Variants in NTRK1 observed in about 807,000 individuals in gnomAD.
The protein encoded by NTRK1 is neurotrophic receptor tyrosine kinase 1.
A neutral mutation model predicts 86.8 loss-of-function variants in NTRK1; 62 were observed. That is an observed-to-expected ratio of 0.71 (90% CI 0.58 to 0.88). The LOEUF (loss-of-function observed/expected upper bound fraction) is 0.88, where lower values mean the gene tolerates loss of function less well. NTRK1 is among the 40% of genes least tolerant of loss of function. The pLI, the probability that NTRK1 is intolerant of heterozygous loss-of-function variation, is 0.00. For missense variants in NTRK1, 967 were observed against 1,078.4 expected, an observed-to-expected ratio of 0.90 and a Z score of 1.45; for synonymous variants, 469 against 456.6, an observed-to-expected ratio of 1.03 and a Z score of -0.35.
intron 1 of NTRK1, among the ~76,000 whole-genome samples, chr1:156,827,732 AG>A (rs1478211758): frequency 1.3e-5 from 2 of 152,170 alleles, no homozygotes; most frequent in African/African-American, 4.8e-5. Flanking sequence ...TTGAAAAATT[AG>A]GTAACAAAAG....
At chr1:156,876,911 C>T (rs552174595) in intron 14 of NTRK1, among the ~76,000 whole-genome samples, 3 of 152,316 alleles carry the variant, frequency 2.0e-5, no homozygotes, top group African/African-American at 7.2e-5. Flanking sequence ...GTTTAGATAA[C>T]GACAGTAACA....
rs1553261428 is a variant in NTRK1 at position 156,868,534 on chromosome 1, A to G, written c.604A>G (p.Asn202Asp). 1 of 1,559,090 alleles carries G rather than the reference A, an allele frequency of 6.4e-7. No individual in the cohort carries two copies. The highest frequency in any genetic ancestry group is 2.4e-5 in the East Asian group (1 of 41,584). ...GCCCACGCTGAAGGTCCAGGTGCCC[A>G]ATGCCTCGGTGGATGTGGGGGACGA... ...GVPTLKVQVP[N>D]ASVDVGDDVL... The change falls in exon 6 of 17, where the codon AAT becomes GAT. Residue 202 changes from asparagine (N) to aspartate (D), a missense_variant. Physicochemically the swap from Asn to Asp is conservative, Grantham distance 23. This residue lies in a region of NTRK1 where 330 missense variants were observed against 302.0 expected (regional missense o/e 1.09). Transcript: ENST00000524377.
intron 1 of NTRK1, among the ~76,000 whole-genome samples, chr1:156,817,624 T>C (rs1654044821): frequency 1.3e-5 from 2 of 150,152 alleles, no homozygotes; most frequent in South Asian, 4.2e-4. Context: ...TTGTCATTAA[T>C]AACATCAGTG....
intron 2 of NTRK1, chr1:156,849,059 G>T: frequency 6.2e-7 from 1 of 1,610,986 alleles, no homozygotes. Flanking sequence ...TGGGTGGGGC[G>T]AGGGGCCTGC....
intron 7 of NTRK1, 148 bp from the exon 8 acceptor site, chr1:156,873,485 G>C: frequency 3.0e-6 from 2 of 661,612 alleles, no homozygotes; most frequent in Non-Finnish European, 2.7e-6. Flanking sequence ...TCTCCTTGGT[G>C]AATTTCCCAG....
chr1:156,874,069 G>A (rs1394082348), intron 8 of NTRK1, 110 bp downstream of exon 8: 2 of 1,213,160 alleles, frequency 1.6e-6, no homozygotes, highest in Admixed American at 2.1e-5. Flanking sequence ...GTTCGGGACA[G>A]AAAGGAGTCT....
chr1:156,836,092 T>A (rs915625087), intron 1 of NTRK1, among the ~76,000 whole-genome samples: 2 of 152,200 alleles, frequency 1.3e-5, no homozygotes, highest in African/African-American at 4.8e-5. Context: ...CTCCTGCGTG[T>A]CTGTCAGCCC....
At chr1:156,877,486 G>A (rs1375721993) in intron 14 of NTRK1, among the ~76,000 whole-genome samples, 1 of 152,248 alleles carries the variant, frequency 6.6e-6, no homozygotes, top group Non-Finnish European at 1.5e-5. Context: ...TGTGGCCCCA[G>A]GCAGAGCCCC....
chr1:156,862,165 C>T (rs578186625), intron 1 of NTRK1, among the ~76,000 whole-genome samples: 6 of 152,160 alleles, frequency 3.9e-5, no homozygotes, highest in Non-Finnish European at 8.8e-5. Flanking sequence ...AGGTGAGGAT[C>T]ATCACTGTCT....
At chr1:156,841,620 C>A (rs752751634) in intron 1 of NTRK1, 4 of 1,609,622 alleles carry the variant, frequency 2.5e-6, no homozygotes, top group Non-Finnish European at 3.4e-6. Flanking sequence ...CTCCCCAGAT[C>A]CCGCCTCCAC....
At chr1:156,877,883 T>A (rs1342311811) in intron 14 of NTRK1, among the ~76,000 whole-genome samples, 2 of 151,864 alleles carry the variant, frequency 1.3e-5, no homozygotes. Flanking sequence ...CCATGCAGGG[T>A]GTGGAGCAGG....
At chr1:156,819,771 G>A (rs1293054171) in intron 1 of NTRK1, among the ~76,000 whole-genome samples, 1 of 151,944 alleles carries the variant, frequency 6.6e-6, no homozygotes. Flanking sequence ...CACCCGCTTT[G>A]ACCTCCCAAA....
chr1:156,846,820 G>T (rs61813769), intron 2 of NTRK1: 50 of 1,299,832 alleles, frequency 3.8e-5, no homozygotes, highest in Non-Finnish European at 5.2e-5. Context: ...TGGCACCCCC[G>T]CTCTGAATCA....
At chr1:156,857,016 C>T (rs997694335), upstream of NTRK1, among the ~76,000 whole-genome samples, 13 of 152,138 alleles carry the variant, frequency 8.5e-5, no homozygotes, top group Non-Finnish European at 1.6e-4. Context: ...ACAAACACCA[C>T]ATGCCACATG....
intron 2 of NTRK1, chr1:156,844,107 C>G (rs909007603): frequency 2.1e-5 from 25 of 1,182,786 alleles, no homozygotes; most frequent in Admixed American, 1.1e-4. Context: ...ATCTACCTCC[C>G]TTTGACAGAC....
chr1:156,831,182 C>G (rs913472050), intron 1 of NTRK1, among the ~76,000 whole-genome samples: 1 of 152,118 alleles, frequency 6.6e-6, no homozygotes. Context: ...AGTAGAATCC[C>G]GTTAAGAAGT....
intron 3 of NTRK1, among the ~76,000 whole-genome samples, chr1:156,866,360 G>T (rs533606718): frequency 1.3e-5 from 2 of 152,338 alleles, no homozygotes; most frequent in Admixed American, 6.5e-5. Context: ...TCCATACAAC[G>T]AGGGGGCTGG....
chr1:156,873,057 G>GTA (rs1647661087), intron 7 of NTRK1, among the ~76,000 whole-genome samples: 1 of 151,096 alleles, frequency 6.6e-6, no homozygotes, highest in African/African-American at 2.4e-5. Context: ...GTGTGTGTGT[G>GTA]TGTGTTTGAA....
chr1:156,842,109 T>C lies in NTRK1; in HGVS notation c.-35T>C, dbSNP rs199647144. 31 of 1,613,932 alleles carry C rather than the reference T, an allele frequency of 1.9e-5. No individual in the cohort carries two copies. The East Asian group carries it at 6.7e-4, about 35-fold the overall frequency. Reference sequence around the variant, plus strand: ...GCCCTCATCTGCCTGGCACCCTCTGTACCCCCGATCTTGACGGTGAAGTCC... The same window carrying C: ...GCCCTCATCTGCCTGGCACCCTCTGCACCCCCGATCTTGACGGTGAAGTCC... On this transcript the variant is annotated 5_prime_UTR_variant, in exon 2 of 17. Coordinates refer to the NTRK1 transcript ENST00000392302.
Sources: allele counts gnomAD v4.1 joint callset (sites outside exome capture counted in the v4.1 genomes callset), GRCh38; gene constraint gnomAD v4.1.1; regional missense constraint gnomAD v4.1.1; transcripts MANE v1.5; gene names NCBI Gene and HGNC (gene_info 2026-07-23, HGNC 2026-07-21).